TAF4B: variants seen among roughly 807,000 people sequenced by gnomAD.
TAF4B encodes the protein TATA-box binding protein associated factor 4b.
In TAF4B, 38 loss-of-function variants were observed where a neutral mutation model predicts 86.4. The ratio of observed to expected loss-of-function variants is 0.44; its 90% CI spans 0.34 to 0.58. The LOEUF (loss-of-function observed/expected upper bound fraction) is 0.58. Among genes scored for constraint, TAF4B ranks in the 20% least tolerant of loss-of-function variants. TAF4B has a pLI of 0.02. For missense variants in TAF4B, 988 were observed against 1,027.6 expected, an observed-to-expected ratio of 0.96 and a Z score of 0.53; for synonymous variants, 388 against 391.2, an observed-to-expected ratio of 0.99 and a Z score of 0.10.
At position 26,267,568 on chromosome 18, in the gene TAF4B, T is replaced by G. The variant is rs746494543; in HGVS notation, c.542T>G (p.Leu181Trp). The change falls in exon 3 of 15, where the codon TTG becomes TGG. Residue 181 changes from leucine (L) to tryptophan (W), a missense_variant. By Grantham distance (61) the Leu-to-Trp change is moderately conservative. Transcript: ENST00000269142. ...KKVAVTPVKKLAQIGTTVVTT... is the reference protein window; with the variant it reads ...KKVAVTPVKKWAQIGTTVVTT... Reference sequence around the variant, plus strand: ...GTGGCAGTGACACCTGTTAAAAAATTGGCACAAATAGGAACTACTGTGGTA... The same window carrying G: ...GTGGCAGTGACACCTGTTAAAAAATGGGCACAAATAGGAACTACTGTGGTA... 1 of 1,614,170 alleles carries G rather than the reference T, an allele frequency of 6.2e-7. No homozygotes were observed. The highest frequency in any genetic ancestry group is 1.1e-5 in the South Asian group (1 of 91,082).
intron 10 of TAF4B, among the ~76,000 whole-genome samples, chr18:26,316,760 A>C (rs183259668): frequency 6.6e-6 from 1 of 152,222 alleles, no homozygotes; most frequent in East Asian, 1.9e-4. Flanking sequence ...CTGATTGTAA[A>C]ATGTGTTTGT....
At chr18:26,339,067 C>T (rs549807498) in intron 13 of TAF4B, among the ~76,000 whole-genome samples, 2 of 152,166 alleles carry the variant, frequency 1.3e-5, no homozygotes, top group Non-Finnish European at 2.9e-5. Flanking sequence ...TGAAAACCAG[C>T]TGATATGTCT....
At chr18:26,282,563 G>A (rs1178560599) in intron 6 of TAF4B, among the ~76,000 whole-genome samples, 1 of 152,132 alleles carries the variant, frequency 6.6e-6, no homozygotes, top group Non-Finnish European at 1.5e-5. Context: ...TATTTTTGAT[G>A]GTAAAGAGTC....
intron 1 of TAF4B, among the ~76,000 whole-genome samples, chr18:26,254,362 G>C (rs898566071): frequency 1.3e-5 from 2 of 150,906 alleles, no homozygotes; most frequent in African/African-American, 2.4e-5. Flanking sequence ...TTCTCTTTTA[G>C]TAAATTTTAG....
intron 2 of TAF4B, among the ~76,000 whole-genome samples, chr18:26,266,604 G>C (rs886224406): frequency 1.5e-4 from 23 of 152,036 alleles, no homozygotes; most frequent in African/African-American, 5.3e-4. Context: ...ACTCACGCCT[G>C]TAATCCCAGC....
At chr18:26,373,549 G>T (rs2057420835) in intron 14 of TAF4B, among the ~76,000 whole-genome samples, 1 of 152,046 alleles carries the variant, frequency 6.6e-6, no homozygotes, top group Admixed American at 6.6e-5. Context: ...AAAATGTTTT[G>T]CCAATTGCTT....
At position 26,274,995 on chromosome 18, in the gene TAF4B, G is replaced by A. The variant is rs750602977; in HGVS notation, c.824G>A (p.Ser275Asn). ...FLAMLIKLAC[S>N]GSQSPEMGQN... The stretch of plus-strand genomic sequence containing the variant: ...GCAATGTTAATAAAACTAGCATGTA[G>A]TGGATCACAGTCCCCAGAAATGGGG... The change falls in exon 5 of 15, where the codon AGT becomes AAT. Residue 275 changes from serine to asparagine, a missense_variant. Physicochemically the swap from Ser to Asn is conservative, Grantham distance 46. Coordinates refer to ENST00000269142, the MANE Select transcript of TAF4B (RefSeq NM_005640.3). 6.2e-7 allele frequency: 1 copy of A among 1,612,636 alleles called. No individual in the cohort carries two copies. The highest frequency in any genetic ancestry group is 1.1e-5 in the South Asian group (1 of 90,932).
At chr18:26,245,904 T>C (rs2144484122) in intron 1 of TAF4B, among the ~76,000 whole-genome samples, 1 of 152,358 alleles carries the variant, frequency 6.6e-6, no homozygotes, top group African/African-American at 2.4e-5. Context: ...TTGATACTGT[T>C]TGCACTACTT....
chr18:26,369,267 C>A (rs2057391368), intron 14 of TAF4B, among the ~76,000 whole-genome samples: 2 of 152,102 alleles, frequency 1.3e-5, no homozygotes, highest in Non-Finnish European at 2.9e-5. Context: ...GCAACCGTTA[C>A]ACTAGACTAG....
At chr18:26,258,252 CAAAA>C (rs560676496) in intron 1 of TAF4B, among the ~76,000 whole-genome samples, 1 of 112,770 alleles carries the variant, frequency 8.9e-6, no homozygotes. Context: ...GACTCCATCT[CAAAA>C]AAAAAAAAAA....
At chr18:26,257,258 G>T (rs2144515610) in intron 1 of TAF4B, among the ~76,000 whole-genome samples, 1 of 152,232 alleles carries the variant, frequency 6.6e-6, no homozygotes, top group Non-Finnish European at 1.5e-5. Flanking sequence ...GGCTCTGTGT[G>T]TGAGGTATAT....
chr18:26,260,724 T>G (rs1245455336), intron 1 of TAF4B, among the ~76,000 whole-genome samples: 1 of 129,438 alleles, frequency 7.7e-6, no homozygotes, highest in Non-Finnish European at 1.5e-5. Flanking sequence ...TTTTGCCAGT[T>G]TAGGTTTACT....
intron 10 of TAF4B, among the ~76,000 whole-genome samples, chr18:26,320,108 C>G (rs2056949573): frequency 6.6e-6 from 1 of 152,052 alleles, no homozygotes; most frequent in Non-Finnish European, 1.5e-5. Flanking sequence ...CATATTTTTT[C>G]TGTAGTTCAC....
At chr18:26,341,627 G>T (rs547597411) in intron 13 of TAF4B, among the ~76,000 whole-genome samples, 2 of 152,024 alleles carry the variant, frequency 1.3e-5, no homozygotes, top group South Asian at 4.1e-4. Flanking sequence ...CACAGTTTAC[G>T]TATCAAATTC....
At position 26,293,510 on chromosome 18, in the gene TAF4B, A is replaced by T. The variant is rs750295504; in HGVS notation, c.1811A>T (p.Glu604Val). ...CCTACTCAGAAAAATAGAATAAAAG[A>T]GAATGTAACATCATGCTTCCGGTAA... ...ASPTQKNRIK[E>V]NVTSCFRDED... Residue 604 changes from glutamate to valine, a missense_variant, in exon 9 of 15, where the codon GAG becomes GTG. Transcript: ENST00000269142. 1.3e-6 allele frequency: 2 copies of T among 1,573,608 alleles called. No individual in the cohort carries two copies. Among genetic ancestry groups the T allele is most frequent in the South Asian group, 2.4e-5 (2 of 83,238 alleles).
chr18:26,287,952 G>A (rs1328377836), intron 7 of TAF4B, among the ~76,000 whole-genome samples: 2 of 152,192 alleles, frequency 1.3e-5, no homozygotes, highest in Admixed American at 6.5e-5. Context: ...TTCAAGTGGG[G>A]AAATGTAACT....
At chr18:26,367,608 T>G (rs1162190165) in intron 14 of TAF4B, among the ~76,000 whole-genome samples, 4 of 152,178 alleles carry the variant, frequency 2.6e-5, no homozygotes, top group African/African-American at 9.7e-5. Context: ...CCCAAAACAC[T>G]CTTATAGACA....
chr18:26,260,012 A>G (rs1213931419), intron 1 of TAF4B, among the ~76,000 whole-genome samples: 4 of 151,914 alleles, frequency 2.6e-5, no homozygotes, highest in African/African-American at 9.7e-5. Flanking sequence ...TGTGGTTTCG[A>G]TTTGCATTTG....
At chr18:26,383,074 A>T (rs1210330924) in intron 14 of TAF4B, among the ~76,000 whole-genome samples, 2 of 152,168 alleles carry the variant, frequency 1.3e-5, no homozygotes, top group Non-Finnish European at 2.9e-5. Flanking sequence ...TTTTGTTCAT[A>T]ATCAATAGTT....
Sources: allele counts gnomAD v4.1 joint callset (sites outside exome capture counted in the v4.1 genomes callset), GRCh38; gene constraint gnomAD v4.1.1; transcripts MANE v1.5; gene names NCBI Gene and HGNC (gene_info 2026-07-23, HGNC 2026-07-21).